DOCK7: variants seen among roughly 807,000 people sequenced by gnomAD.
The protein encoded by DOCK7 is dedicator of cytokinesis protein 7.
In DOCK7, 138 loss-of-function variants were observed where a neutral mutation model predicts 271.0. That is an observed-to-expected ratio of 0.51 (90% confidence interval 0.44 to 0.59). DOCK7 has a LOEUF of 0.59. DOCK7 is among the 20% of genes least tolerant of loss of function. DOCK7 has a pLI of 0.00. For missense variants in DOCK7, 2,066 were observed against 2,592.4 expected (o/e 0.80, Z 4.41); for synonymous variants, 823 against 876.1 (o/e 0.94, Z 1.07).
chr1:62,590,309 A>G (rs1218691739), intron 14 of DOCK7, among the ~76,000 whole-genome samples: 3 of 152,196 alleles, frequency 2.0e-5, no homozygotes, highest in African/African-American at 7.2e-5. Flanking sequence ...GAAGTCTTTT[A>G]AAATAAGAAA....
At chr1:62,461,456 G>A (rs1407051726) in intron 48 of DOCK7, among the ~76,000 whole-genome samples, 2 of 151,930 alleles carry the variant, frequency 1.3e-5, no homozygotes, top group African/African-American at 4.8e-5. Flanking sequence ...TGAGACCAGA[G>A]GACTGCTGGA....
At chr1:62,624,519 C>T (rs944574147) in intron 12 of DOCK7, among the ~76,000 whole-genome samples, 14 of 152,136 alleles carry the variant, frequency 9.2e-5, no homozygotes, top group African/African-American at 3.4e-4. Flanking sequence ...CATTTTAGCA[C>T]AAAATGCACT....
At chr1:62,615,420 T>G (rs905898905) in intron 14 of DOCK7, among the ~76,000 whole-genome samples, 1 of 151,846 alleles carries the variant, frequency 6.6e-6, no homozygotes, top group Non-Finnish European at 1.5e-5. Flanking sequence ...TTCCATAAAC[T>G]AAGAAACTTA....
intron 22 of DOCK7, among the ~76,000 whole-genome samples, chr1:62,549,701 CA>C (rs1218756690): frequency 6.6e-6 from 1 of 151,906 alleles, no homozygotes; most frequent in African/African-American, 2.4e-5. Context: ...AAATAATAAA[CA>C]GTATTTACCT....
At chr1:62,662,485 G>A (rs1306312079) in intron 2 of DOCK7, among the ~76,000 whole-genome samples, 6 of 152,100 alleles carry the variant, frequency 3.9e-5, no homozygotes, top group Admixed American at 1.3e-4. Flanking sequence ...TTCTAGGGCC[G>A]GACGCGGTGG....
Position 62,647,777 on chromosome 1 carries a change from C to T in DOCK7, c.733-1G>A. 1 of 1,596,888 alleles carries T rather than the reference C, an allele frequency of 6.3e-7. No homozygotes were observed. The highest frequency in any genetic ancestry group is 8.5e-7 in the Non-Finnish European group (1 of 1,174,156). ...CACTAAGCCGTTCTATTGGTTCTTC[C>T]TACAAATTGAAAAGCAACACCAAAA... On this transcript the variant is annotated splice_acceptor_variant, in intron 6 of 49. Coordinates refer to ENST00000635253, the MANE Select transcript of DOCK7 (RefSeq NM_001367561.1). LOFTEE classifies it high-confidence loss of function.
rs1039242390 is a variant in DOCK7, at chr1:62,604,240, C to T, written c.1682+14466G>A. The T allele has an allele frequency of 4.3e-6, 7 of 1,612,734 alleles. No individual in the cohort carries two copies. In the African/African-American group the frequency reaches 8.0e-5, roughly 18 times the overall value. On this transcript the variant is annotated intron_variant, in intron 14 of 49. Coordinates refer to ENST00000635253, the MANE Select transcript of DOCK7 (RefSeq NM_001367561.1). The stretch of plus-strand genomic sequence containing the variant: ...ACTGTCCAGAGGGTTATTCAGGTAT[C>T]TTTTTCTGATACCAATACTTTATTT...
intron 14 of DOCK7, among the ~76,000 whole-genome samples, chr1:62,588,799 G>C (rs1477359634): frequency 6.6e-6 from 1 of 151,848 alleles, no homozygotes; most frequent in Non-Finnish European, 1.5e-5. Flanking sequence ...GAAGTGCAGT[G>C]GTACGATCAT....
chr1:62,582,216 T>C (rs1160868330), intron 16 of DOCK7, among the ~76,000 whole-genome samples: 1 of 152,170 alleles, frequency 6.6e-6, no homozygotes, highest in Non-Finnish European at 1.5e-5. Context: ...AAGAAACTCC[T>C]GTAGCTACTG....
chr1:62,615,290 T>C (rs1348786363), intron 14 of DOCK7, among the ~76,000 whole-genome samples: 1 of 151,844 alleles, frequency 6.6e-6, no homozygotes, highest in Non-Finnish European at 1.5e-5. Context: ...TCTAATTTTC[T>C]CTACTTCACT....
chr1:62,662,249 T>C (rs1181214958), intron 2 of DOCK7, among the ~76,000 whole-genome samples: 1 of 152,184 alleles, frequency 6.6e-6, no homozygotes, highest in Non-Finnish European at 1.5e-5. Flanking sequence ...ATATAATAAA[T>C]ATTAGTTTTT....
At chr1:62,662,638 G>T (rs1258493485) in intron 2 of DOCK7, among the ~76,000 whole-genome samples, 2 of 152,120 alleles carry the variant, frequency 1.3e-5, no homozygotes, top group African/African-American at 4.8e-5. Flanking sequence ...GCACATGCCT[G>T]TAGTCCCAGC....
chr1:62,601,683 T>G (rs1256650006), intron 14 of DOCK7: 1 of 984,330 alleles, frequency 1.0e-6, no homozygotes, highest in Non-Finnish European at 1.6e-6. Context: ...TTGCCACAAC[T>G]TCATAAAATG....
At chr1:62,467,347 A>T (rs921699727) in intron 48 of DOCK7, among the ~76,000 whole-genome samples, 6 of 152,256 alleles carry the variant, frequency 3.9e-5, no homozygotes, top group African/African-American at 1.4e-4. Flanking sequence ...GCTAATAGAA[A>T]CTATACCACA....
chr1:62,526,428 T>A (rs1256941460), intron 31 of DOCK7, among the ~76,000 whole-genome samples: 1 of 151,888 alleles, frequency 6.6e-6, no homozygotes, highest in African/African-American at 2.4e-5. Flanking sequence ...CAAGTGTTGA[T>A]GAGGATTTGG....
intron 18 of DOCK7, among the ~76,000 whole-genome samples, chr1:62,562,263 G>A (rs1164381920): frequency 1.5e-5 from 1 of 64,600 alleles, no homozygotes; most frequent in Admixed American, 2.1e-4. Flanking sequence ...ATAGAGTCTC[G>A]CTCTGTCACC....
chr1:62,543,673 G>A lies in DOCK7; in HGVS notation c.2932C>T (p.Arg978Cys), dbSNP rs750049987. 5.9e-5 allele frequency: 95 copies of A among 1,598,360 alleles called. No homozygotes were observed. In the Admixed American group the frequency reaches 8.7e-4, roughly 15 times the overall value. ...TSSFLQTLTG[R>C]LPTKKLFHEE... ...GAATCTACCTTTTTAGTTGGTAAGCGTCCCGTTAATGTTTGTAAGAAACTT... is the reference window on the plus strand; with the variant it reads ...GAATCTACCTTTTTAGTTGGTAAGCATCCCGTTAATGTTTGTAAGAAACTT... The change falls in exon 24 of 50, where the codon CGC becomes TGC. Residue 978 changes from arginine (R) to cysteine (C), a missense_variant. Coordinates refer to ENST00000635253, the MANE Select transcript of DOCK7 (RefSeq NM_001367561.1).
chr1:62,589,362 T>A (rs1220522215), intron 14 of DOCK7, among the ~76,000 whole-genome samples: 2 of 152,196 alleles, frequency 1.3e-5, no homozygotes, highest in East Asian at 3.8e-4. Flanking sequence ...TATGGATGAT[T>A]AACTTGTCCC....
At chr1:62,501,960 C>G (rs1364590084) in intron 37 of DOCK7, among the ~76,000 whole-genome samples, 1 of 151,818 alleles carries the variant, frequency 6.6e-6, no homozygotes, top group Non-Finnish European at 1.5e-5. Context: ...TATATAACTA[C>G]AAAACAAAAG....
Sources: gnomAD v4.1 joint callset for allele counts (sites outside exome capture counted in the v4.1 genomes callset) on GRCh38, gnomAD v4.1.1 for gene constraint, MANE v1.5 for transcripts, NCBI Gene and HGNC (gene_info 2026-07-23, HGNC 2026-07-21) for gene names.